The following KIAA2012 variants were observed in gnomAD, a reference collection of about 807,000 sequenced individuals.
The protein encoded by KIAA2012 is uncharacterized protein KIAA2012.
KIAA2012 carries 125 observed loss-of-function variants against 150.6 expected under a neutral mutation model. That is an observed-to-expected ratio of 0.83 (90% CI 0.72 to 0.96). KIAA2012 has a LOEUF of 0.96. KIAA2012 is among the 40% of genes least tolerant of loss of function. The probability of loss-of-function intolerance (pLI) is 0.00; values close to 1 mark genes in which losing one functional copy is unlikely to be tolerated. For synonymous variants in KIAA2012, 462 were observed against 504.7 expected, an observed-to-expected ratio of 0.92 and a Z score of 1.13; for missense variants, 1,219 against 1,354.9, an observed-to-expected ratio of 0.90 and a Z score of 1.57.
At chr2:202,093,269 C>A in intron 4 of KIAA2012, 84 bp downstream of exon 4, 3 of 1,406,696 alleles carry the variant, frequency 2.1e-6, no homozygotes, top group Non-Finnish European at 2.9e-6. Flanking sequence ...TTTCCCAAAA[C>A]AAGGTCTTGA....
At position 202,113,352 on chromosome 2, in the gene KIAA2012, T is replaced by A; in HGVS notation, c.1668T>A (p.Pro556=). ...LPAAQEDSSD[P]TLGHFLLGPD... is the part of the protein sequence containing the mutation. ...ATTTTCAAGAAGATTCCAGCGACCCTACACTGGGACACTTCTTGCTGGGTC... is the reference window on the plus strand; with the variant it reads ...ATTTTCAAGAAGATTCCAGCGACCCAACACTGGGACACTTCTTGCTGGGTC... Residue 556 remains proline, a synonymous_variant, in exon 11 of 24, where the codon CCT becomes CCA. Transcript: ENST00000498697. 6.4e-7 allele frequency: 1 copy of A among 1,550,684 alleles called. No homozygotes were observed. The highest frequency in any genetic ancestry group is 1.4e-5 in the African/African-American group (1 of 73,134).
intron 12 of KIAA2012, among the ~76,000 whole-genome samples, chr2:202,131,284 C>T (rs1025531364): frequency 7.9e-5 from 12 of 152,110 alleles, no homozygotes; most frequent in East Asian, 3.9e-4. Flanking sequence ...GGATTACAGG[C>T]GCACGCCACC....
intron 12 of KIAA2012, among the ~76,000 whole-genome samples, chr2:202,132,436 G>A (rs1690952981): frequency 6.6e-6 from 1 of 151,816 alleles, no homozygotes; most frequent in African/African-American, 2.4e-5. Context: ...GGAGGCCGAG[G>A]CAGGCAGATC....
intron 13 of KIAA2012, among the ~76,000 whole-genome samples, chr2:202,150,293 G>T (rs1691395975): frequency 6.6e-6 from 1 of 152,154 alleles, no homozygotes; most frequent in African/African-American, 2.4e-5. Context: ...AGGCTTCCAG[G>T]TGTTTTTAGC....
chr2:202,094,220 C>T (rs1485628736), intron 4 of KIAA2012, among the ~76,000 whole-genome samples: 2 of 152,152 alleles, frequency 1.3e-5, no homozygotes, highest in African/African-American at 2.4e-5. Flanking sequence ...GAGTTCAAGG[C>T]TGTAATGAGC....
At chr2:202,182,108 CTTTTTTTTT>C (rs754494077) in intron 15 of KIAA2012, among the ~76,000 whole-genome samples, 2 of 104,122 alleles carry the variant, frequency 1.9e-5, no homozygotes, top group Admixed American at 2.0e-4. Flanking sequence ...TTTCTTTATT[CTTTTTTTTT>C]TTTTTTTTTT....
At chr2:202,196,190 T>TCTTTTC (rs1553562942) in intron 21 of KIAA2012, among the ~76,000 whole-genome samples, 51 of 121,360 alleles carry the variant, frequency 4.2e-4, no homozygotes, top group African/African-American at 1.3e-3. Context: ...TCTTTTCTTT[T>TCTTTTC]TTTTTTTTTT....
intron 15 of KIAA2012, among the ~76,000 whole-genome samples, chr2:202,183,989 T>C (rs1158516690): frequency 1.3e-5 from 2 of 152,218 alleles, no homozygotes; most frequent in African/African-American, 4.8e-5. Context: ...TTTTTCCATA[T>C]TGCTTATTTA....
At chr2:202,179,852 C>G (rs1692081717) in intron 15 of KIAA2012, 2 of 622,722 alleles carry the variant, frequency 3.2e-6, no homozygotes, top group Non-Finnish European at 3.1e-6. Context: ...CTTGAAGATG[C>G]CATTCATACA....
At chr2:202,138,343 GGT>G (rs3043926) in intron 12 of KIAA2012, 87 bp from the exon 13 acceptor site, 108 of 761,296 alleles carry the variant, frequency 1.4e-4, no homozygotes, top group Non-Finnish European at 1.9e-4. Flanking sequence ...ATATGAACTA[GGT>G]GTGTGTGTGT....
intron 15 of KIAA2012, among the ~76,000 whole-genome samples, chr2:202,172,036 G>A (rs1427726764): frequency 6.6e-6 from 1 of 152,102 alleles, no homozygotes; most frequent in Non-Finnish European, 1.5e-5. Context: ...TAGTAGAGAC[G>A]GGTTTTCGCC....
chr2:202,144,201 G>A (rs1417972601), intron 13 of KIAA2012, among the ~76,000 whole-genome samples: 2 of 152,104 alleles, frequency 1.3e-5, no homozygotes, highest in Non-Finnish European at 2.9e-5. Context: ...TTGTTGCTTT[G>A]TGGGGCTTAG....
intron 13 of KIAA2012, among the ~76,000 whole-genome samples, chr2:202,152,454 G>T (rs916127903): frequency 6.6e-6 from 1 of 152,146 alleles, no homozygotes; most frequent in Non-Finnish European, 1.5e-5. Context: ...GTTGGAACTC[G>T]TCTTGACTAT....
At chr2:202,201,916 T>TC in intron 22 of KIAA2012, 1 of 865,676 alleles carries the variant, frequency 1.2e-6, no homozygotes. Flanking sequence ...CGTCTCGGCA[T>TC]CAGGGACGGT....
At chr2:202,171,561 T>G (rs1435973596) in intron 15 of KIAA2012, among the ~76,000 whole-genome samples, 1 of 151,920 alleles carries the variant, frequency 6.6e-6, no homozygotes, top group Non-Finnish European at 1.5e-5. Flanking sequence ...GGGTCACTTC[T>G]CCGAGTGTGT....
At chr2:202,117,592 T>C (rs1016656508) in intron 11 of KIAA2012, among the ~76,000 whole-genome samples, 3 of 152,226 alleles carry the variant, frequency 2.0e-5, no homozygotes, top group Admixed American at 1.3e-4. Flanking sequence ...AGGATTTCTG[T>C]GATCACAGGC....
intron 15 of KIAA2012, among the ~76,000 whole-genome samples, chr2:202,183,309 C>A (rs1280603907): frequency 1.3e-5 from 2 of 151,674 alleles, no homozygotes; most frequent in South Asian, 2.1e-4. Flanking sequence ...TGGTACTGGC[C>A]ACTTGCGAGA....
At chr2:202,172,098 C>G (rs1349199532) in intron 15 of KIAA2012, among the ~76,000 whole-genome samples, 1 of 152,258 alleles carries the variant, frequency 6.6e-6, no homozygotes, top group Non-Finnish European at 1.5e-5. Flanking sequence ...GTTGGGATTA[C>G]AGGCGTGAGC....
chr2:202,159,298 G>A (rs1367622461), intron 14 of KIAA2012, among the ~76,000 whole-genome samples: 6 of 151,418 alleles, frequency 4.0e-5, no homozygotes, highest in East Asian at 1.9e-4. Context: ...GAGGGATCAC[G>A]AGCTGGTCTC....
Sources: allele counts gnomAD v4.1 joint callset (sites outside exome capture counted in the v4.1 genomes callset), GRCh38; gene constraint gnomAD v4.1.1; transcripts MANE v1.5; gene names NCBI Gene and HGNC (gene_info 2026-07-23, HGNC 2026-07-21).